TRIM44: variants seen among roughly 807,000 people sequenced by gnomAD.
TRIM44 encodes tripartite motif containing 44, also known as tripartite motif-containing protein 44.
TRIM44 carries 13 observed loss-of-function variants against 37.4 expected under a neutral mutation model. That is an observed-to-expected ratio of 0.35 (90% confidence interval 0.23 to 0.55). TRIM44 has a LOEUF of 0.55. Ranked by LOEUF, TRIM44 falls within the 20% of genes least tolerant of loss-of-function variation. The pLI, the probability that TRIM44 is intolerant of heterozygous loss-of-function variation, is 0.89. For synonymous variants in TRIM44, 175 were observed against 157.2 expected (o/e 1.11, Z -0.85); for missense variants, 426 against 437.2 (o/e 0.97, Z 0.23).
chr11:35,696,376 T>G (rs866173464), intron 2 of TRIM44, among the ~76,000 whole-genome samples: 11 of 151,220 alleles, frequency 7.3e-5, no homozygotes, highest in Admixed American at 2.6e-4. Context: ...TCTCCTGACC[T>G]CGTGATCCAC....
chr11:35,698,917 G>C (rs928211986), intron 2 of TRIM44, among the ~76,000 whole-genome samples: 1 of 126,356 alleles, frequency 7.9e-6, no homozygotes, highest in African/African-American at 3.2e-5. Context: ...TATGGTTTTA[G>C]GTCTAACATG....
intron 2 of TRIM44, among the ~76,000 whole-genome samples, chr11:35,704,739 CT>C (rs1274435771): frequency 6.6e-6 from 1 of 152,166 alleles, no homozygotes; most frequent in Admixed American, 6.5e-5. Context: ...CCAGGCCTGC[CT>C]TACAAGAGCT....
intron 2 of TRIM44, among the ~76,000 whole-genome samples, chr11:35,690,072 C>T (rs1314267684): frequency 6.6e-6 from 1 of 152,138 alleles, no homozygotes; most frequent in East Asian, 1.9e-4. Flanking sequence ...TCACATTGTT[C>T]TGTGTGACTG....
chr11:35,670,874 G>A (rs1405003140), intron 1 of TRIM44, among the ~76,000 whole-genome samples: 1 of 152,170 alleles, frequency 6.6e-6, no homozygotes, highest in African/African-American at 2.4e-5. Flanking sequence ...GCTCTTTTAG[G>A]TAGCTAGGGT....
At chr11:35,798,132 G>A (rs2133881984) in intron 4 of TRIM44, among the ~76,000 whole-genome samples, 2 of 152,304 alleles carry the variant, frequency 1.3e-5, no homozygotes, top group Middle Eastern at 6.8e-3. Flanking sequence ...TGGGGAGGCA[G>A]CTTCCAGGTC....
At chr11:35,706,928 G>C (rs1383680746) in intron 2 of TRIM44, among the ~76,000 whole-genome samples, 1 of 149,858 alleles carries the variant, frequency 6.7e-6, no homozygotes, top group East Asian at 1.9e-4. Context: ...TTAGGCAGGA[G>C]AAGGAAATAA....
At position 35,685,615 on chromosome 11, in the gene TRIM44, G is replaced by A. The variant is rs1399549023; in HGVS notation, c.747+279G>A. On this transcript the variant is annotated intron_variant, in intron 2 of 4. Coordinates refer to ENST00000299413, the MANE Select transcript of TRIM44 (RefSeq NM_017583.6). Reference sequence around the variant, plus strand: ...CTTTACCAGGGGTCTTTGAATCTTTGGTCCTCTGTGTCCATTAGATGCAGC... The same window carrying A: ...CTTTACCAGGGGTCTTTGAATCTTTAGTCCTCTGTGTCCATTAGATGCAGC... Among the ~76,000 whole-genome samples the A allele has an allele frequency of 2.6e-5, 4 of 152,006 alleles. No homozygotes were observed. In the South Asian group the frequency reaches 8.3e-4, roughly 31 times the overall value.
chr11:35,759,258 C>A (rs1178382478), intron 4 of TRIM44, among the ~76,000 whole-genome samples: 1 of 152,118 alleles, frequency 6.6e-6, no homozygotes, highest in Non-Finnish European at 1.5e-5. Flanking sequence ...TTTGATCTTC[C>A]ATCACTGATA....
chr11:35,770,831 A>G (rs1852858923), intron 4 of TRIM44, among the ~76,000 whole-genome samples: 1 of 152,140 alleles, frequency 6.6e-6, no homozygotes, highest in Admixed American at 6.5e-5. Flanking sequence ...GTGGTAGCGA[A>G]TAAGTCTCAC....
rs527464271 is a variant in TRIM44 at position 35,703,110 on chromosome 11, G to A, written c.747+17774G>A. ...ACGGCGCACCAGGAGATTATATCCC[G>A]CACATGGCTCGGAGGGTCCTATGCC... On this transcript the variant is annotated intron_variant, in intron 2 of 4. Transcript: ENST00000299413. 5.3e-5 allele frequency among the ~76,000 whole-genome samples: 8 copies of A among 152,176 alleles called. No homozygotes were observed. The East Asian group carries it at 5.8e-4, about 11-fold the overall frequency.
chr11:35,733,796 C>T (rs144118550), intron 3 of TRIM44, among the ~76,000 whole-genome samples: 7 of 152,288 alleles, frequency 4.6e-5, no homozygotes, highest in African/African-American at 1.4e-4. Flanking sequence ...CCCCCAGCGC[C>T]CTGCCCAAAA....
intron 4 of TRIM44, among the ~76,000 whole-genome samples, chr11:35,735,882 C>G (rs957909527): frequency 1.3e-5 from 2 of 151,200 alleles, no homozygotes; most frequent in African/African-American, 4.9e-5. Context: ...CACAAGACAC[C>G]TATATGATGA....
chr11:35,752,952 A>C (rs1356771750), intron 4 of TRIM44, among the ~76,000 whole-genome samples: 1 of 152,248 alleles, frequency 6.6e-6, no homozygotes, highest in Non-Finnish European at 1.5e-5. Context: ...CATAAATGTA[A>C]TAAGGGTAAA....
chr11:35,767,440 T>C (rs1852812375), intron 4 of TRIM44, among the ~76,000 whole-genome samples: 1 of 152,158 alleles, frequency 6.6e-6, no homozygotes, highest in Non-Finnish European at 1.5e-5. Context: ...TCCTCAGTAC[T>C]ACTACTCTGT....
chr11:35,668,145 T>A (rs537507834), intron 1 of TRIM44, among the ~76,000 whole-genome samples: 2 of 152,360 alleles, frequency 1.3e-5, no homozygotes, highest in African/African-American at 4.8e-5. Context: ...TTGTTGGTGC[T>A]TTCTTTTGTT....
At chr11:35,694,840 A>G (rs960044078) in intron 2 of TRIM44, among the ~76,000 whole-genome samples, 2 of 152,028 alleles carry the variant, frequency 1.3e-5, no homozygotes, top group Non-Finnish European at 2.9e-5. Flanking sequence ...ATGTTCTTAG[A>G]TGATCCGGTC....
chr11:35,805,135 C>T (rs1853430712), intron 4 of TRIM44, among the ~76,000 whole-genome samples: 4 of 152,098 alleles, frequency 2.6e-5, no homozygotes. Context: ...TACTATGTGA[C>T]CCTAGGATTT....
At position 35,749,316 on chromosome 11, in the gene TRIM44, A is replaced by AT. The variant is rs774425859; in HGVS notation, c.1007+13872dup. ...GAGACTCATTAATCCTTCTTTCAAA[A>AT]TCTGTTATAGAAAATAAAACTTACC... On this transcript the variant is annotated intron_variant, in intron 4 of 4. Coordinates refer to ENST00000299413, the MANE Select transcript of TRIM44 (RefSeq NM_017583.6). Among the ~76,000 whole-genome samples the AT allele has an allele frequency of 9.9e-5, 15 of 152,212 alleles. 1 individual carries two copies. The highest frequency in any genetic ancestry group is 2.9e-5 in the Non-Finnish European group (2 of 68,034).
In TRIM44 at chr11:35,738,265, C is replaced by T. The variant is rs138936732; in HGVS notation, c.1007+2820C>T. ...CAAGGACTGTATGAAGAGATTAACT[C>T]CCTTTAAAGATACTGTTCAGTGTGA... On this transcript the variant is annotated intron_variant, in intron 4 of 4. Coordinates refer to ENST00000299413, the MANE Select transcript of TRIM44 (RefSeq NM_017583.6). Among the ~76,000 whole-genome samples, 5 of 152,310 alleles carry T rather than the reference C, an allele frequency of 3.3e-5. No individual in the cohort carries two copies. In the East Asian group the frequency reaches 9.7e-4, roughly 29 times the overall value.
Sources: gnomAD v4.1 joint callset for allele counts (sites outside exome capture counted in the v4.1 genomes callset) on GRCh38, gnomAD v4.1.1 for gene constraint, MANE v1.5 for transcripts, NCBI Gene and HGNC (gene_info 2026-07-23, HGNC 2026-07-21) for gene names.